The following ENAH variants were observed in gnomAD, a reference collection of about 807,000 sequenced individuals.
ENAH encodes the protein ENAH actin regulator, also known as protein enabled homolog.
In ENAH, 23 loss-of-function variants were observed where a neutral mutation model predicts 78.7. That is an observed-to-expected ratio of 0.29 (90% CI 0.21 to 0.41). ENAH has a LOEUF of 0.41. ENAH is among the 10% of genes least tolerant of loss of function. The pLI is 1.00. For missense variants in ENAH, 544 were observed against 691.0 expected, an observed-to-expected ratio of 0.79 and a Z score of 2.39; for synonymous variants, 226 against 241.0, an observed-to-expected ratio of 0.94 and a Z score of 0.58.
chr1:225,578,594 T>C (rs2096799559), intron 1 of ENAH, among the ~76,000 whole-genome samples: 1 of 152,242 alleles, frequency 6.6e-6, no homozygotes, highest in South Asian at 2.1e-4. Context: ...GACAGCCTGC[T>C]GCTAAGCAGC....
At chr1:225,515,865 G>A (rs2096413489) in intron 6 of ENAH, among the ~76,000 whole-genome samples, 1 of 152,192 alleles carries the variant, frequency 6.6e-6, no homozygotes, top group South Asian at 2.1e-4. Flanking sequence ...AGGTCACTTT[G>A]TCAGGCTGAC....
At chr1:225,611,461 A>G (rs1299680868) in intron 1 of ENAH, among the ~76,000 whole-genome samples, 2 of 152,006 alleles carry the variant, frequency 1.3e-5, no homozygotes, top group Non-Finnish European at 2.9e-5. Flanking sequence ...TGGGACTACA[A>G]GCGTGCATCA....
At position 225,492,113 on chromosome 1, in the gene ENAH, C is replaced by T. The variant is rs1402309310; in HGVS notation, c.*5662G>A. The T allele has an allele frequency of 1.4e-5, 2 of 141,286 alleles. No homozygotes were observed. Among genetic ancestry groups the T allele is most frequent in the African/African-American group, 5.3e-5 (2 of 37,670 alleles). 8.8% of individuals were successfully genotyped at this position (141,286 alleles called of 1,614,324 possible). A position where few individuals can be genotyped will look rare whatever the true frequency, so the allele number is the denominator to read the frequency against. The stretch of plus-strand genomic sequence containing the variant: ...TTTTTTTTTTTTTTAGAGACAGGTT[C>T]TCGCTCTGTCACCCAGGCTGGAGTA... On this transcript the variant is annotated 3_prime_UTR_variant, in exon 14 of 14. Coordinates refer to ENST00000366843, the MANE Select transcript of ENAH (RefSeq NM_018212.6).
At chr1:225,642,505 G>C (rs1575842043) in intron 1 of ENAH, among the ~76,000 whole-genome samples, 1 of 152,066 alleles carries the variant, frequency 6.6e-6, no homozygotes, top group Non-Finnish European at 1.5e-5. Flanking sequence ...ACACGAATGA[G>C]TCCAGGTAAG....
At chr1:225,608,815 C>CAAAAAAAAAAAAAAAAAAAA (rs928281132) in intron 1 of ENAH, among the ~76,000 whole-genome samples, 1 of 20,660 alleles carries the variant, frequency 4.8e-5, no homozygotes, top group African/African-American at 1.7e-4. Context: ...GACTCTGTCT[C>CAAAAAAAAAAAAAAAAAAAA]AAAAAAAAAA....
intron 1 of ENAH, among the ~76,000 whole-genome samples, chr1:225,568,926 C>G (rs2096747709): frequency 6.6e-6 from 1 of 152,184 alleles, no homozygotes; most frequent in Non-Finnish European, 1.5e-5. Flanking sequence ...ATTTGTGCAG[C>G]AAACCCAATG....
At chr1:225,553,727 C>CT (rs1367262398) in intron 3 of ENAH, among the ~76,000 whole-genome samples, 3 of 152,208 alleles carry the variant, frequency 2.0e-5, no homozygotes, top group African/African-American at 7.2e-5. Flanking sequence ...ACATACAAGA[C>CT]TATACAGACT....
intron 5 of ENAH, among the ~76,000 whole-genome samples, chr1:225,518,523 AT>A (rs2096440305): frequency 6.6e-6 from 1 of 151,438 alleles, no homozygotes; most frequent in African/African-American, 2.4e-5. Flanking sequence ...AATTAACTTA[AT>A]AAACCAACCA....
intron 1 of ENAH, among the ~76,000 whole-genome samples, chr1:225,620,174 G>A (rs1343567464): frequency 2.0e-5 from 3 of 151,824 alleles, no homozygotes; most frequent in Non-Finnish European, 4.4e-5. Flanking sequence ...GATGTAATGT[G>A]ATCTAGTATC....
At chr1:225,525,826 T>C (rs1192930952) in intron 4 of ENAH, among the ~76,000 whole-genome samples, 1 of 152,138 alleles carries the variant, frequency 6.6e-6, no homozygotes, top group Non-Finnish European at 1.5e-5. Context: ...TTACCAAGCA[T>C]TTGAAATCTT....
intron 1 of ENAH, among the ~76,000 whole-genome samples, chr1:225,627,853 C>A (rs1303812095): frequency 6.6e-6 from 1 of 152,150 alleles, no homozygotes; most frequent in Non-Finnish European, 1.5e-5. Flanking sequence ...AAACCTACCC[C>A]AGCTCTCAAG....
At chr1:225,583,025 A>G (rs2096827038) in intron 1 of ENAH, among the ~76,000 whole-genome samples, 1 of 152,228 alleles carries the variant, frequency 6.6e-6, no homozygotes, top group South Asian at 2.1e-4. Context: ...CTGCAGAAAC[A>G]AAAGAGAACA....
At chr1:225,555,302 C>T (rs552791444) in intron 2 of ENAH, among the ~76,000 whole-genome samples, 2 of 152,220 alleles carry the variant, frequency 1.3e-5, no homozygotes, top group South Asian at 2.1e-4. Flanking sequence ...GTAAATCAGC[C>T]GGGCACGGTG....
intron 1 of ENAH, among the ~76,000 whole-genome samples, chr1:225,571,669 C>T (rs1202741236): frequency 6.6e-6 from 1 of 152,180 alleles, no homozygotes; most frequent in Non-Finnish European, 1.5e-5. Context: ...ATTACTGCCC[C>T]CCGCCAACAA....
intron 1 of ENAH, among the ~76,000 whole-genome samples, chr1:225,613,920 T>C (rs1481198920): frequency 6.6e-6 from 1 of 152,202 alleles, no homozygotes; most frequent in African/African-American, 2.4e-5. Context: ...GCCAATCTCA[T>C]GCCCCAGGTT....
rs772672390 is a variant in ENAH, at chr1:225,524,734, A to C, written c.435-5169T>G. ...ATTATTCCCCTTTTATAACTTTCAG[A>C]TAGTACTGGTGATTTGCGAACTATT... On this transcript the variant is annotated intron_variant, in intron 4 of 13. Transcript: ENST00000366843. The C allele has an allele frequency of 9.4e-6, 8 of 850,282 alleles. No homozygotes were observed. In the African/African-American group the frequency reaches 1.5e-4, roughly 16 times the overall value. The allele number at this position is 850,282 out of a possible 1,614,324, so 52.7% of individuals were successfully genotyped here. A position where few individuals can be genotyped will look rare whatever the true frequency, so the allele number is the denominator to read the frequency against.
At position 225,497,312 on chromosome 1, in the gene ENAH, GAAGA is replaced by G. The variant is rs1427327723; in HGVS notation, c.*459_*462del. ...ATTCATGGAATATCAAACATGATAGGAAGAACAAACCTGAGAGAAACATTACAAT... is the reference window on the plus strand; with the variant it reads ...ATTCATGGAATATCAAACATGATAGGACAAACCTGAGAGAAACATTACAAT... On this transcript the variant is annotated 3_prime_UTR_variant, in exon 14 of 14. Coordinates refer to ENST00000366843, the MANE Select transcript of ENAH (RefSeq NM_018212.6). 1.3e-5 allele frequency: 2 copies of G among 153,350 alleles called. No homozygotes were observed. The highest frequency in any genetic ancestry group is 4.8e-5 in the African/African-American group (2 of 41,444). 9.5% of individuals were successfully genotyped at this position (153,350 alleles called of 1,614,324 possible).
intron 1 of ENAH, among the ~76,000 whole-genome samples, chr1:225,578,130 G>C (rs142348862): frequency 6.6e-6 from 1 of 152,104 alleles, no homozygotes; most frequent in Non-Finnish European, 1.5e-5. Context: ...AGAGAAACTT[G>C]TAAAACTTAC....
chr1:225,502,998 G>A (rs1316352114), intron 11 of ENAH, among the ~76,000 whole-genome samples: 2 of 152,072 alleles, frequency 1.3e-5, no homozygotes, highest in Admixed American at 6.6e-5. Context: ...ATTTAATTGG[G>A]CAAGTATGTT....
Sources: gnomAD v4.1 joint callset for allele counts (sites outside exome capture counted in the v4.1 genomes callset) on GRCh38, gnomAD v4.1.1 for gene constraint, MANE v1.5 for transcripts, NCBI Gene and HGNC (gene_info 2026-07-23, HGNC 2026-07-21) for gene names.